LIPI: variants seen among roughly 807,000 people sequenced by gnomAD.
The protein encoded by LIPI is lipase I, also known as lipase member I.
A neutral mutation model predicts 50.6 loss-of-function variants in LIPI; 59 were observed. The observed-to-expected ratio is 1.16, with a 90% CI of 0.94 to 1.45. The LOEUF is 1.45. Among genes scored for constraint, LIPI ranks in the 40% most tolerant of loss-of-function variants. LIPI has a pLI of 0.00. For synonymous variants in LIPI, 203 were observed against 178.2 expected (o/e 1.14, Z -1.11); for missense variants, 586 against 536.3 (o/e 1.09, Z -0.92).
chr21:14,167,296 A>G (rs1316300632), intron 4 of LIPI, among the ~76,000 whole-genome samples: 1 of 152,180 alleles, frequency 6.6e-6, no homozygotes, highest in African/African-American at 2.4e-5. Context: ...GCACAGACAA[A>G]CAAAAAGACA....
Position 14,144,703 on chromosome 21 carries a change from G to A in LIPI, c.1215C>T (p.Phe405=). Residue 405 remains phenylalanine, a synonymous_variant, in exon 9 of 10, where the codon TTC becomes TTT. Transcript: ENST00000681601. ...TGGAACACTGCAGATTTGAGCTCTGGAAATATGTCAAACCAATGCTTGAAA... is the reference window on the plus strand; with the variant it reads ...TGGAACACTGCAGATTTGAGCTCTGAAAATATGTCAAACCAATGCTTGAAA... ...VNISSIGLTY[F]QSSNLQCSTC... is the part of the protein sequence containing the mutation. 1 of 1,579,616 alleles carries A rather than the reference G, an allele frequency of 6.3e-7. No individual in the cohort carries two copies.
rs528345524 is a variant in LIPI, at chr21:14,195,016, G to T, written c.47-5597C>A. Among the ~76,000 whole-genome samples the T allele has an allele frequency of 8.5e-5, 13 of 152,222 alleles. No homozygotes were observed. The South Asian group carries it at 2.7e-3, about 32-fold the overall frequency. ...TTGCTGAAAGGGAAGCAATGTATTT[G>T]AACCCTATAAACTCATAGCTTTCTG... is the stretch of plus-strand genomic sequence containing the variant. On this transcript the variant is annotated intron_variant, in intron 1 of 9. Coordinates refer to ENST00000681601, the MANE Select transcript of LIPI (RefSeq NM_001302998.2).
chr21:14,119,034 CTGCTAG>C (rs1435705587), intron 9 of LIPI, among the ~76,000 whole-genome samples: 1 of 152,200 alleles, frequency 6.6e-6, no homozygotes, highest in Non-Finnish European at 1.5e-5. Flanking sequence ...GCACAAATAC[CTGCTAG>C]TGCTGCTTGG....
chr21:14,194,017 C>T (rs1236730263), intron 1 of LIPI, among the ~76,000 whole-genome samples: 1 of 152,044 alleles, frequency 6.6e-6, no homozygotes, highest in Admixed American at 6.6e-5. Flanking sequence ...TCCAAAAGTT[C>T]CATAAGCTTA....
intron 5 of LIPI, 110 bp from the exon 6 acceptor site, chr21:14,165,500 A>G (rs1419571667): frequency 1.4e-6 from 1 of 738,444 alleles, no homozygotes; most frequent in Non-Finnish European, 2.3e-6. Flanking sequence ...TACCTTATGA[A>G]TATTACTGAC....
intron 7 of LIPI, among the ~76,000 whole-genome samples, chr21:14,160,216 T>C (rs2018414170): frequency 6.6e-6 from 1 of 151,348 alleles, no homozygotes; most frequent in African/African-American, 2.4e-5. Context: ...TCAGTCTACT[T>C]GATATTAATG....
rs200352932 is a variant in LIPI, at chr21:14,186,685, G to T, written c.433-616C>A. On this transcript the variant is annotated intron_variant, in intron 2 of 9. Transcript: ENST00000681601. ...ATCCCCAAGGTGATGATATTTGGAG[G>T]TGAGGCCTTCTTGTGGGTTAGGAGA... Among the ~76,000 whole-genome samples the T allele has an allele frequency of 2.6e-5, 4 of 152,160 alleles. No homozygotes were observed. In the East Asian group the frequency reaches 5.8e-4, roughly 22 times the overall value.
At chr21:14,126,754 G>A (rs537705067) in intron 9 of LIPI, among the ~76,000 whole-genome samples, 1 of 152,030 alleles carries the variant, frequency 6.6e-6, no homozygotes, top group Admixed American at 6.6e-5. Context: ...GTATACACAG[G>A]GTTCCTGAAA....
chr21:14,142,637 C>T (rs1020167631), intron 9 of LIPI, among the ~76,000 whole-genome samples: 1 of 151,252 alleles, frequency 6.6e-6, no homozygotes, highest in Non-Finnish European at 1.5e-5. Flanking sequence ...CACGCACCAT[C>T]ATGCATGGCT....
At chr21:14,187,318 G>T (rs1216644604) in intron 2 of LIPI, among the ~76,000 whole-genome samples, 2 of 152,138 alleles carry the variant, frequency 1.3e-5, no homozygotes, top group African/African-American at 4.8e-5. Context: ...ACAGTGATAT[G>T]TCTGATGGCT....
intron 8 of LIPI, among the ~76,000 whole-genome samples, chr21:14,146,772 A>ATTTTTTT (rs3048482): frequency 0.017 from 1,260 of 73,352 alleles, 287 homozygotes; most frequent in African/African-American, 0.026. Context: ...CCCAGTCTCT[A>ATTTTTTT]TTTTTTTTTT....
At chr21:14,182,860 C>T (rs13051812) in intron 3 of LIPI, among the ~76,000 whole-genome samples, 58,935 of 151,746 alleles carry the variant, frequency 0.39, 12,827 homozygotes, top group Non-Finnish European at 0.5. Context: ...AATGGAAGAA[C>T]ATTCCATGCT....
chr21:14,157,621 C>A (rs1600872974), intron 7 of LIPI, among the ~76,000 whole-genome samples: 1 of 151,808 alleles, frequency 6.6e-6, no homozygotes, highest in Middle Eastern at 3.4e-3. Context: ...AAACAAGAAA[C>A]AAGATGAAAA....
chr21:14,158,174 T>C (rs1227945480), intron 7 of LIPI, among the ~76,000 whole-genome samples: 1 of 151,770 alleles, frequency 6.6e-6, no homozygotes, highest in South Asian at 2.1e-4. Flanking sequence ...CCAGTACACA[T>C]GAAGCATGAG....
intron 1 of LIPI, among the ~76,000 whole-genome samples, chr21:14,189,896 T>C (rs979654977): frequency 2.0e-5 from 3 of 152,064 alleles, no homozygotes; most frequent in African/African-American, 7.2e-5. Context: ...AATTAAATAA[T>C]AAATATTAAT....
intron 9 of LIPI, among the ~76,000 whole-genome samples, chr21:14,114,107 G>T (rs949184877): frequency 6.6e-6 from 1 of 151,842 alleles, no homozygotes; most frequent in Admixed American, 6.6e-5. Context: ...CAACCCGGGA[G>T]GCAGAGGTTG....
Position 14,165,327 on chromosome 21 carries a change from GT to G in LIPI, c.796del (p.Thr266GlnfsTer46), listed in dbSNP as rs753666724. 3.5e-5 allele frequency: 57 copies of G among 1,611,194 alleles called. No homozygotes were observed. In the East Asian group the frequency reaches 1.3e-3, roughly 35 times the overall value. On this transcript the variant is annotated frameshift_variant, in exon 6 of 10. Transcript: ENST00000681601. LOFTEE classifies it high-confidence loss of function. Reference sequence around the variant, plus strand: ...AGGAAATGAAATAAAATTGCAGTTTGTTTCTAAAGATGCCATGAACAAGTGA... The same window carrying G: ...AGGAAATGAAATAAAATTGCAGTTTGTTCTAAAGATGCCATGAACAAGTGA... ...AVHLFMASLE[T>X]NCNFISFPCR...
intron 9 of LIPI, among the ~76,000 whole-genome samples, chr21:14,139,911 G>T (rs1271242521): frequency 1.3e-5 from 2 of 152,164 alleles, no homozygotes; most frequent in African/African-American, 4.8e-5. Context: ...ATATAGCTAA[G>T]TGTGCAGGTA....
chr21:14,136,246 A>G (rs2017494974), intron 9 of LIPI, among the ~76,000 whole-genome samples: 1 of 152,196 alleles, frequency 6.6e-6, no homozygotes, highest in Non-Finnish European at 1.5e-5. Flanking sequence ...ACAGGAGGGT[A>G]GAGCACCAAG....
Sources: gnomAD v4.1 joint callset for allele counts (sites outside exome capture counted in the v4.1 genomes callset) on GRCh38, gnomAD v4.1.1 for gene constraint, MANE v1.5 for transcripts, NCBI Gene and HGNC (gene_info 2026-07-23, HGNC 2026-07-21) for gene names.